PTPRG: variants seen among roughly 807,000 people sequenced by gnomAD.
PTPRG encodes the protein receptor-type tyrosine-protein phosphatase gamma.
Under a neutral mutation model 165.3 loss-of-function variants are expected in PTPRG, and 102 were observed. The observed-to-expected ratio is 0.62, with a 90% confidence interval of 0.53 to 0.73. The LOEUF (loss-of-function observed/expected upper bound fraction) is 0.73. Among genes scored for constraint, PTPRG ranks in the 30% least tolerant of loss-of-function variants. PTPRG has a pLI of 0.00. For synonymous variants in PTPRG, 675 were observed against 669.5 expected (o/e 1.01, Z -0.13); for missense variants, 1,866 against 1,861.4 (o/e 1.00, Z -0.05).
At chr3:61,988,381 G>T (rs1298974293) in intron 2 of PTPRG, among the ~76,000 whole-genome samples, 1 of 152,116 alleles carries the variant, frequency 6.6e-6, no homozygotes, top group African/African-American at 2.4e-5. Context: ...AGTTTGGGGG[G>T]AATGGGGAAA....
rs78001371 is a variant in PTPRG at position 62,193,839 on chromosome 3, A to G, written c.1219-1223A>G. ...TGGCTAAGCTCACAGAGCTGCTTCT[A>G]TACTTGGCCCAGAACACATGCTTTG... On this transcript the variant is annotated intron_variant, in intron 9 of 29. Transcript: ENST00000474889. Among the ~76,000 whole-genome samples the G allele has an allele frequency of 1.9e-4, 29 of 152,382 alleles. No homozygotes were observed. In the East Asian group the frequency reaches 4.4e-3, roughly 23 times the overall value.
chr3:61,643,305 C>T (rs942244840), intron 1 of PTPRG, among the ~76,000 whole-genome samples: 24 of 151,214 alleles, frequency 1.6e-4, no homozygotes, highest in African/African-American at 5.6e-4. Context: ...CAGAGACAGA[C>T]AGACAGAGAC....
intron 4 of PTPRG, among the ~76,000 whole-genome samples, chr3:62,074,454 C>T (rs769793836): frequency 6.8e-6 from 1 of 148,034 alleles, no homozygotes; most frequent in Non-Finnish European, 1.5e-5. Flanking sequence ...CTCCTGGGCT[C>T]GAGCAATCCT....
At chr3:61,616,284 T>C (rs1701294620) in intron 1 of PTPRG, among the ~76,000 whole-genome samples, 1 of 152,208 alleles carries the variant, frequency 6.6e-6, no homozygotes, top group Non-Finnish European at 1.5e-5. Flanking sequence ...CATCTGAGCA[T>C]ATCTTGGGAT....
chr3:61,570,687 A>G (rs1392806461), intron 1 of PTPRG, among the ~76,000 whole-genome samples: 2 of 152,238 alleles, frequency 1.3e-5, no homozygotes, highest in Non-Finnish European at 2.9e-5. Context: ...GCCATAAGCA[A>G]TTGACCAAGC....
chr3:61,571,631 G>T, intron 1 of PTPRG, among the ~76,000 whole-genome samples: 1 of 152,096 alleles, frequency 6.6e-6, no homozygotes, highest in South Asian at 2.1e-4. Context: ...TTTGTTGGTG[G>T]TGAGTTTTTT....
intron 2 of PTPRG, among the ~76,000 whole-genome samples, chr3:61,756,135 G>GAA (rs1275659390): frequency 6.6e-6 from 1 of 152,196 alleles, no homozygotes; most frequent in Non-Finnish European, 1.5e-5. Flanking sequence ...TGGGTTGGTT[G>GAA]AAAAGATGAA....
intron 5 of PTPRG, among the ~76,000 whole-genome samples, chr3:62,120,541 A>G (rs1474487787): frequency 6.6e-6 from 1 of 152,068 alleles, no homozygotes; most frequent in East Asian, 1.9e-4. Context: ...ACTTGAGGTC[A>G]GGAGTTCGAG....
At chr3:62,175,284 A>G (rs1430282647) in intron 8 of PTPRG, among the ~76,000 whole-genome samples, 1 of 152,082 alleles carries the variant, frequency 6.6e-6, no homozygotes. Context: ...AAGCTTATTG[A>G]CTCTAGGAGT....
chr3:62,148,979 T>C (rs2106670346), intron 6 of PTPRG, among the ~76,000 whole-genome samples: 1 of 152,194 alleles, frequency 6.6e-6, no homozygotes, highest in Middle Eastern at 3.4e-3. Flanking sequence ...TTTCCTCTCA[T>C]ATATAAGACA....
chr3:62,252,326 T>C lies in PTPRG; in HGVS notation c.2468-2798T>C, dbSNP rs1189609664. On this transcript the variant is annotated intron_variant, in intron 15 of 29. Coordinates refer to ENST00000474889, the MANE Select transcript of PTPRG (RefSeq NM_002841.4). The surrounding 1 kb of genome is among the most constrained non-coding windows in gnomAD (Gnocchi z 4.6). ...AACGGCTTCATCCAGGGGTTTCCCA[T>C]TCTCTCTGAGTCGGAGCACTTTTTA... is the stretch of plus-strand genomic sequence containing the variant. Among the ~76,000 whole-genome samples, 1 of 152,220 alleles carries C rather than the reference T, an allele frequency of 6.6e-6. No individual in the cohort carries two copies. The highest frequency in any genetic ancestry group is 1.5e-5 in the Non-Finnish European group (1 of 68,030).
intron 4 of PTPRG, among the ~76,000 whole-genome samples, chr3:62,028,311 G>A (rs754018131): frequency 2.4e-4 from 37 of 152,072 alleles, no homozygotes; most frequent in Admixed American, 9.8e-4. Flanking sequence ...GCAATGATAC[G>A]CTAATTACAG....
intron 2 of PTPRG, among the ~76,000 whole-genome samples, chr3:61,987,630 C>T (rs1163070955): frequency 6.6e-6 from 1 of 152,096 alleles, no homozygotes; most frequent in East Asian, 1.9e-4. Flanking sequence ...GGCATGCATA[C>T]ATACACATAT....
chr3:61,824,486 A>G (rs2036051913), intron 2 of PTPRG, among the ~76,000 whole-genome samples: 1 of 152,216 alleles, frequency 6.6e-6, no homozygotes, highest in Non-Finnish European at 1.5e-5. Flanking sequence ...CATAGCTGCA[A>G]TTTAATTCTG....
chr3:61,689,201 C>T (rs2029988521), intron 1 of PTPRG, among the ~76,000 whole-genome samples: 1 of 152,232 alleles, frequency 6.6e-6, no homozygotes, highest in Non-Finnish European at 1.5e-5. Flanking sequence ...ATCCCTAACA[C>T]CAGCCAGAAG....
At chr3:62,019,811 A>G (rs2041643942) in intron 4 of PTPRG, among the ~76,000 whole-genome samples, 1 of 152,236 alleles carries the variant, frequency 6.6e-6, no homozygotes. Flanking sequence ...AACTCTTACA[A>G]TAATAATGAT....
At chr3:61,581,293 A>G (rs2106796981) in intron 1 of PTPRG, among the ~76,000 whole-genome samples, 1 of 152,336 alleles carries the variant, frequency 6.6e-6, no homozygotes, top group South Asian at 2.1e-4. Context: ...CCTGTTAATT[A>G]GTTCCAGACA....
chr3:61,759,414 G>A (rs1165585032), intron 2 of PTPRG, among the ~76,000 whole-genome samples: 1 of 152,102 alleles, frequency 6.6e-6, no homozygotes, highest in African/African-American at 2.4e-5. Flanking sequence ...CAACACTTTG[G>A]AAGGCTGAGG....
At chr3:61,741,704 C>A (rs2032991596) in intron 1 of PTPRG, among the ~76,000 whole-genome samples, 1 of 152,044 alleles carries the variant, frequency 6.6e-6, no homozygotes, top group African/African-American at 2.4e-5. Flanking sequence ...TAGCAGAGGT[C>A]AAGTCGACAT....
Sources: gnomAD v4.1 joint callset for allele counts (sites outside exome capture counted in the v4.1 genomes callset) on GRCh38, gnomAD v4.1.1 for gene constraint, Gnocchi (gnomAD v3.1) non-coding constraint, MANE v1.5 for transcripts, NCBI Gene and HGNC (gene_info 2026-07-23, HGNC 2026-07-21) for gene names.